The following TMEM132D variants were observed in gnomAD, a reference collection of about 807,000 sequenced individuals.
The protein encoded by TMEM132D is mature OL transmembrane protein.
A neutral mutation model predicts 62.3 loss-of-function variants in TMEM132D; 21 were observed. The observed-to-expected ratio is 0.34, with a 90% CI of 0.24 to 0.49. The LOEUF is 0.49. Ranked by LOEUF, TMEM132D falls within the 20% of genes least tolerant of loss-of-function variation. The pLI is 0.99. For missense variants in TMEM132D, 1,346 were observed against 1,402.8 expected (o/e 0.96, Z 0.65); for synonymous variants, 621 against 575.6 (o/e 1.08, Z -1.13).
intron 3 of TMEM132D, among the ~76,000 whole-genome samples, chr12:129,398,184 G>A (rs1341476071): frequency 6.6e-6 from 1 of 152,182 alleles, no homozygotes; most frequent in East Asian, 1.9e-4. Context: ...AACATATGGT[G>A]GCTTAAATCA....
intron 1 of TMEM132D, among the ~76,000 whole-genome samples, chr12:129,791,737 G>T (rs982305808): frequency 1.3e-5 from 2 of 152,112 alleles, no homozygotes; most frequent in Non-Finnish European, 2.9e-5. Flanking sequence ...ATTACTAAAT[G>T]AATGTCTCCA....
At chr12:129,608,604 A>G (rs1214943398) in intron 2 of TMEM132D, among the ~76,000 whole-genome samples, 1 of 152,214 alleles carries the variant, frequency 6.6e-6, no homozygotes, top group African/African-American at 2.4e-5. Flanking sequence ...TTCTGAAAAA[A>G]TCATGTCGCG....
chr12:129,797,203 G>GT (rs1871589189), intron 1 of TMEM132D, among the ~76,000 whole-genome samples: 2 of 152,132 alleles, frequency 1.3e-5, no homozygotes, highest in African/African-American at 4.8e-5. Flanking sequence ...CTGTCTTGCT[G>GT]TCCCCTCTTT....
intron 2 of TMEM132D, among the ~76,000 whole-genome samples, chr12:129,579,038 G>A (rs1171827316): frequency 6.6e-6 from 1 of 152,118 alleles, no homozygotes; most frequent in Non-Finnish European, 1.5e-5. Context: ...ACCATTGAAG[G>A]CTCACTATCC....
At chr12:129,342,894 T>G (rs1417712809) in intron 3 of TMEM132D, among the ~76,000 whole-genome samples, 2 of 152,282 alleles carry the variant, frequency 1.3e-5, no homozygotes, top group Non-Finnish European at 1.5e-5. Flanking sequence ...TCACACCAGT[T>G]AGAATGGCGA....
chr12:129,570,106 G>A (rs1201301452), intron 2 of TMEM132D, among the ~76,000 whole-genome samples: 2 of 152,164 alleles, frequency 1.3e-5, no homozygotes, highest in South Asian at 2.1e-4. Flanking sequence ...TTAATGGTAC[G>A]ATACAAGAGT....
chr12:129,465,417 A>G (rs1024212652), intron 3 of TMEM132D, among the ~76,000 whole-genome samples: 1 of 152,158 alleles, frequency 6.6e-6, no homozygotes, highest in Non-Finnish European at 1.5e-5. Flanking sequence ...CACCACTCCT[A>G]TTCAACATAG....
chr12:129,316,982 G>T (rs1008322775), intron 4 of TMEM132D, among the ~76,000 whole-genome samples: 1 of 152,002 alleles, frequency 6.6e-6, no homozygotes, highest in Non-Finnish European at 1.5e-5. Flanking sequence ...CTCGCTTTTG[G>T]TGTCCATTCG....
intron 5 of TMEM132D, among the ~76,000 whole-genome samples, chr12:129,093,043 C>G (rs1175967526): frequency 1.3e-5 from 2 of 152,162 alleles, no homozygotes; most frequent in Non-Finnish European, 2.9e-5. Context: ...TAAATGGACG[C>G]ACTGGAGGAC....
intron 1 of TMEM132D, among the ~76,000 whole-genome samples, chr12:129,889,741 G>A (rs1249112983): frequency 2.0e-5 from 3 of 152,252 alleles, no homozygotes; most frequent in African/African-American, 7.2e-5. Context: ...ATGCTGACCA[G>A]GACAGTAGTC....
chr12:129,283,075 G>A (rs1881199962), intron 4 of TMEM132D, among the ~76,000 whole-genome samples: 1 of 152,174 alleles, frequency 6.6e-6, no homozygotes, highest in Non-Finnish European at 1.5e-5. Flanking sequence ...GATACCTATA[G>A]ATCTGTCATT....
rs183433887 is a variant in TMEM132D at position 129,527,181 on chromosome 12, C to T, written c.1115+3878G>A. Reference sequence around the variant, plus strand: ...AAAATTAGCCAGGTGTGGTGGTGCACGCCTGTAATCCCAGCTACTTGGGTG... The same window carrying T: ...AAAATTAGCCAGGTGTGGTGGTGCATGCCTGTAATCCCAGCTACTTGGGTG... On this transcript the variant is annotated intron_variant, in intron 3 of 8. Transcript: ENST00000422113. 1.9e-4 allele frequency among the ~76,000 whole-genome samples: 29 copies of T among 152,028 alleles called. No homozygotes were observed. In the South Asian group the frequency reaches 5.6e-3, roughly 29 times the overall value.
chr12:129,394,629 G>C (rs925956850), intron 3 of TMEM132D, among the ~76,000 whole-genome samples: 1 of 152,256 alleles, frequency 6.6e-6, no homozygotes, highest in East Asian at 1.9e-4. Context: ...GTCTAGCCGC[G>C]TAGACGCTGG....
At chr12:129,154,658 C>T (rs1877179986) in intron 5 of TMEM132D, among the ~76,000 whole-genome samples, 1 of 152,170 alleles carries the variant, frequency 6.6e-6, no homozygotes, top group South Asian at 2.1e-4. Context: ...ATATCTATAT[C>T]TGGTTCAGTA....
chr12:129,387,781 A>G (rs961493700), intron 3 of TMEM132D, among the ~76,000 whole-genome samples: 11 of 148,984 alleles, frequency 7.4e-5, no homozygotes, highest in African/African-American at 2.3e-4. Flanking sequence ...ACCAACACCA[A>G]TCCAGCACTG....
In TMEM132D at chr12:129,252,120, G is replaced by A. The variant is rs116162846; in HGVS notation, c.1300-42457C>T. Among the ~76,000 whole-genome samples, 1,266 of 152,190 alleles carry A rather than the reference G, an allele frequency of 8.3e-3. 17 individuals are homozygous for A. Among genetic ancestry groups the A allele is most frequent in the African/African-American group, 0.029 (1,204 of 41,500 alleles). ...ATGTTCAATAATAATTTGTGTATCT[G>A]GATCTACATGAGTAGTTAAGATCCT... On this transcript the variant is annotated intron_variant, in intron 4 of 8. Coordinates refer to ENST00000422113, the MANE Select transcript of TMEM132D (RefSeq NM_133448.3).
intron 1 of TMEM132D, among the ~76,000 whole-genome samples, chr12:129,849,717 C>T (rs1356470790): frequency 3.9e-5 from 6 of 152,136 alleles, no homozygotes; most frequent in Non-Finnish European, 7.3e-5. Flanking sequence ...TGCCAGGCAA[C>T]GCGGTAGCCA....
At chr12:129,183,335 C>T (rs1878119038) in intron 5 of TMEM132D, among the ~76,000 whole-genome samples, 1 of 152,182 alleles carries the variant, frequency 6.6e-6, no homozygotes, top group Admixed American at 6.5e-5. Flanking sequence ...GAGGTTGCTC[C>T]TAAAACAAGA....
chr12:129,903,561 C>A lies in TMEM132D; in HGVS notation c.-222G>T. The A allele has an allele frequency of 3.5e-6, 2 of 568,680 alleles. No homozygotes were observed. The highest frequency in any genetic ancestry group is 6.3e-6 in the Non-Finnish European group (2 of 319,256). The allele number at this position is 568,680 out of a possible 1,614,324, so 35.2% of individuals were successfully genotyped here. On this transcript the variant is annotated 5_prime_UTR_variant, in exon 1 of 9. Coordinates refer to ENST00000422113, the MANE Select transcript of TMEM132D (RefSeq NM_133448.3). This position sits in a 1 kb window ranked among gnomAD's most constrained non-coding sequence, Gnocchi z 6.2. Reference sequence around the variant, plus strand: ...CTGAGTTGCTCTCCGGAGTCCAACACGCGCGCAGGCAAACCCCACCTCCCT... The same window carrying A: ...CTGAGTTGCTCTCCGGAGTCCAACAAGCGCGCAGGCAAACCCCACCTCCCT...
Sources: gnomAD v4.1 joint callset for allele counts (sites outside exome capture counted in the v4.1 genomes callset) on GRCh38, gnomAD v4.1.1 for gene constraint, Gnocchi (gnomAD v3.1) non-coding constraint, MANE v1.5 for transcripts, NCBI Gene and HGNC (gene_info 2026-07-23, HGNC 2026-07-21) for gene names.